The following PRELID2 variants were observed in gnomAD, a reference collection of about 807,000 sequenced individuals.
PRELID2 encodes the protein PRELI domain containing 2, also known as PRELI domain-containing protein 2.
In PRELID2, 25 loss-of-function variants were observed where a neutral mutation model predicts 28.4. The ratio of observed to expected loss-of-function variants is 0.88; its 90% CI spans 0.64 to 1.23. The LOEUF (loss-of-function observed/expected upper bound fraction) is 1.23. PRELID2 is among the 50% of genes most tolerant of loss of function. The pLI, the probability that PRELID2 is intolerant of heterozygous loss-of-function variation, is 0.00. For missense variants in PRELID2, 201 were observed against 214.4 expected (o/e 0.94, Z 0.39); for synonymous variants, 76 against 71.6 (o/e 1.06, Z -0.31).
At chr5:145,589,510 C>T (rs1411034770) in intron 1 of PRELID2, among the ~76,000 whole-genome samples, 1 of 152,074 alleles carries the variant, frequency 6.6e-6, no homozygotes, top group Non-Finnish European at 1.5e-5. Flanking sequence ...AGTCACATCA[C>T]TTTCTTTGTT....
chr5:145,525,164 C>T (rs116077848), intron 1 of PRELID2, among the ~76,000 whole-genome samples: 3,287 of 152,240 alleles, frequency 0.022, 119 homozygotes, highest in African/African-American at 0.076. Flanking sequence ...GAAACCAAGA[C>T]TCAGAAGGTT....
At chr5:145,808,150 C>G (rs751334979) in intron 4 of PRELID2, among the ~76,000 whole-genome samples, 1 of 152,116 alleles carries the variant, frequency 6.6e-6, no homozygotes, top group Non-Finnish European at 1.5e-5. Context: ...GGGACGAATA[C>G]AGTAGTATTT....
the PRELID2 span, among the ~76,000 whole-genome samples, chr5:145,438,436 T>G: frequency 2.0e-5 from 3 of 152,170 alleles, no homozygotes; most frequent in Non-Finnish European, 4.4e-5. Context: ...CAGTGTTCTC[T>G]TAACCTCTTT....
At chr5:145,237,678 C>T in the PRELID2 span, among the ~76,000 whole-genome samples, 1 of 152,196 alleles carries the variant, frequency 6.6e-6, no homozygotes, top group Non-Finnish European at 1.5e-5. Flanking sequence ...TCTAAAGATT[C>T]ATTCCCTCTC....
At chr5:145,242,805 A>C in the PRELID2 span, among the ~76,000 whole-genome samples, 1 of 152,084 alleles carries the variant, frequency 6.6e-6, no homozygotes, top group African/African-American at 2.4e-5. Context: ...CCACCCTAAA[A>C]GCATACTTGT....
intron 1 of PRELID2, among the ~76,000 whole-genome samples, chr5:145,504,232 C>G (rs936327910): frequency 6.6e-6 from 1 of 152,158 alleles, no homozygotes; most frequent in Non-Finnish European, 1.5e-5. Flanking sequence ...ATCAACTTAA[C>G]CTCACCAAAC....
At chr5:145,268,434 A>G in the PRELID2 span, among the ~76,000 whole-genome samples, 4 of 152,168 alleles carry the variant, frequency 2.6e-5, no homozygotes, top group Admixed American at 6.6e-5. Context: ...ACCTTTGTTG[A>G]AAATGAGTTC....
chr5:145,480,742 T>C (rs578015978), intron 1 of PRELID2, among the ~76,000 whole-genome samples: 1 of 152,158 alleles, frequency 6.6e-6, no homozygotes, highest in Non-Finnish European at 1.5e-5. Flanking sequence ...TGAGATCTGC[T>C]ACATTTAAAA....
At chr5:145,763,614 T>C (rs1201744592) in intron 6 of PRELID2, among the ~76,000 whole-genome samples, 1 of 152,214 alleles carries the variant, frequency 6.6e-6, no homozygotes, top group Non-Finnish European at 1.5e-5. Context: ...TTTGCTTCTT[T>C]TTGGTTAACT....
the PRELID2 span, among the ~76,000 whole-genome samples, chr5:145,406,922 C>A: frequency 6.6e-6 from 1 of 152,170 alleles, no homozygotes; most frequent in Non-Finnish European, 1.5e-5. Flanking sequence ...TGTGGGCACT[C>A]CCAGTCCCCA....
intron 1 of PRELID2, among the ~76,000 whole-genome samples, chr5:145,702,084 C>T (rs1356559045): frequency 3.3e-5 from 5 of 151,454 alleles, no homozygotes; most frequent in Non-Finnish European, 5.9e-5. Context: ...CACACACACA[C>T]ATATATATAT....
intron 1 of PRELID2, among the ~76,000 whole-genome samples, chr5:145,628,549 C>G (rs116034573): frequency 6.6e-6 from 1 of 152,076 alleles, no homozygotes; most frequent in East Asian, 1.9e-4. Context: ...GTTTTGAACT[C>G]CTGATCTCAG....
the PRELID2 span, among the ~76,000 whole-genome samples, chr5:145,236,250 G>C: frequency 3.3e-5 from 5 of 152,098 alleles, no homozygotes; most frequent in African/African-American, 1.2e-4. Flanking sequence ...GTCTCTTGCA[G>C]TATCCCTGCC....
At chr5:145,637,123 T>C (rs1169879558) in intron 1 of PRELID2, among the ~76,000 whole-genome samples, 3 of 152,070 alleles carry the variant, frequency 2.0e-5, no homozygotes, top group East Asian at 1.9e-4. Flanking sequence ...ATTCAATTCA[T>C]ATCAGAAACT....
chr5:145,552,844 T>C (rs1477413198), intron 1 of PRELID2, among the ~76,000 whole-genome samples: 1 of 152,196 alleles, frequency 6.6e-6, no homozygotes, highest in Non-Finnish European at 1.5e-5. Context: ...ACAATTAAAG[T>C]TATTGAAAAC....
In PRELID2 at chr5:145,564,776, C is replaced by T. The variant is rs1404704321; in HGVS notation, n.71-91461G>A. 7.2e-5 allele frequency among the ~76,000 whole-genome samples: 11 copies of T among 152,264 alleles called. No individual in the cohort carries two copies. In the East Asian group the frequency reaches 1.9e-3, roughly 27 times the overall value. Reference sequence around the variant, plus strand: ...GGAAGAAATAAATAAAAGATAACCCCCCTTTCCTAACTTGAGCTCACAGCC... The same window carrying T: ...GGAAGAAATAAATAAAAGATAACCCTCCTTTCCTAACTTGAGCTCACAGCC... On this transcript the variant is annotated intron_variant and non_coding_transcript_variant, in intron 1 of 2. Transcript: ENST00000510259.
chr5:145,414,993 C>T, the PRELID2 span, among the ~76,000 whole-genome samples: 1 of 152,146 alleles, frequency 6.6e-6, no homozygotes, highest in Non-Finnish European at 1.5e-5. Context: ...GATCAAGTGG[C>T]TCTGATAGAT....
In PRELID2 at chr5:145,789,834, C is replaced by T. The variant is rs532620846; in HGVS notation, c.474+6608G>A. Among the ~76,000 whole-genome samples, 4 of 152,108 alleles carry T rather than the reference C, an allele frequency of 2.6e-5. No individual in the cohort carries two copies. In the East Asian group the frequency reaches 7.7e-4, roughly 29 times the overall value. On this transcript the variant is annotated intron_variant, in intron 5 of 6. Coordinates refer to ENST00000683046, the MANE Select transcript of PRELID2 (RefSeq NM_205846.3). ...ACCCAATTAAGAAATGGGCAAAGAA[C>T]CAGACAGCTATTTCCCACAAGAAAA... is the stretch of plus-strand genomic sequence containing the variant.
chr5:145,781,777 T>C (rs891578540), intron 5 of PRELID2, among the ~76,000 whole-genome samples: 3 of 146,544 alleles, frequency 2.0e-5, no homozygotes, highest in African/African-American at 5.0e-5. Context: ...TATATATATA[T>C]ACTATATCTA....
Sources: gnomAD v4.1 joint callset for allele counts (sites outside exome capture counted in the v4.1 genomes callset) on GRCh38, gnomAD v4.1.1 for gene constraint, MANE v1.5 for transcripts, NCBI Gene and HGNC (gene_info 2026-07-23, HGNC 2026-07-21) for gene names.